The following EBF1 variants were observed in gnomAD, a reference collection of about 807,000 sequenced individuals.
EBF1 encodes the protein transcription factor COE1.
EBF1 carries 10 observed loss-of-function variants against 68.4 expected under a neutral mutation model. That is an observed-to-expected ratio of 0.15 (90% CI 0.09 to 0.25). The LOEUF (loss-of-function observed/expected upper bound fraction) is 0.25. EBF1 is among the 10% of genes least tolerant of loss of function. The pLI, the probability that EBF1 is intolerant of heterozygous loss-of-function variation, is 1.00. For synonymous variants in EBF1, 298 were observed against 299.8 expected (o/e 0.99, Z 0.06); for missense variants, 509 against 794.4 (o/e 0.64, Z 4.32).
chr5:159,011,245 T>A (rs2127680476), intron 6 of EBF1, among the ~76,000 whole-genome samples: 1 of 152,302 alleles, frequency 6.6e-6, no homozygotes, highest in East Asian at 1.9e-4. Context: ...GGTATCTGAT[T>A]TCTAAAATGG....
chr5:159,014,802 C>G (rs376941696), intron 6 of EBF1, among the ~76,000 whole-genome samples: 22 of 152,288 alleles, frequency 1.4e-4, no homozygotes, highest in African/African-American at 5.3e-4. Context: ...AAGGGTCTGC[C>G]CTGCCCCTTT....
chr5:158,737,418 G>A (rs943876471), intron 10 of EBF1, among the ~76,000 whole-genome samples: 1 of 151,364 alleles, frequency 6.6e-6, no homozygotes, highest in African/African-American at 2.4e-5. Context: ...CGAGTAGCTG[G>A]GACTACAGGC....
At chr5:158,749,648 T>A (rs533380828) in intron 10 of EBF1, among the ~76,000 whole-genome samples, 6 of 152,214 alleles carry the variant, frequency 3.9e-5, no homozygotes, top group African/African-American at 1.4e-4. Context: ...TAAGTTCCTA[T>A]AGAGTTTAGG....
chr5:158,860,535 G>A (rs11748882), intron 6 of EBF1, among the ~76,000 whole-genome samples: 23,329 of 152,152 alleles, frequency 0.15, 1,865 homozygotes, highest in Non-Finnish European at 0.18. Context: ...CACCTCTCAC[G>A]ATTTCCACTG....
intron 6 of EBF1, among the ~76,000 whole-genome samples, chr5:158,962,635 C>T (rs985938172): frequency 6.6e-6 from 1 of 152,140 alleles, no homozygotes; most frequent in East Asian, 1.9e-4. Context: ...CTGTACTGGG[C>T]TTATAAGAGA....
intron 9 of EBF1, 21 bp from the exon 10 acceptor site, chr5:158,777,560 G>A (rs1015134395): frequency 1.3e-6 from 2 of 1,575,386 alleles, no homozygotes; most frequent in Non-Finnish European, 1.7e-6. Flanking sequence ...CATTTGGGGG[G>A]AAAAATTGTC....
intron 6 of EBF1, among the ~76,000 whole-genome samples, chr5:158,872,551 G>A (rs1384095485): frequency 6.6e-6 from 1 of 152,168 alleles, no homozygotes; most frequent in Non-Finnish European, 1.5e-5. Context: ...AAATGAGAAT[G>A]CAAGACATTC....
chr5:158,845,490 T>C (rs1322558058), intron 6 of EBF1, among the ~76,000 whole-genome samples: 3 of 152,130 alleles, frequency 2.0e-5, no homozygotes, highest in Non-Finnish European at 4.4e-5. Context: ...AGTTAACATA[T>C]GTGGAGTGTT....
At chr5:158,737,265 G>GTTTTTT (rs1491041647) in intron 10 of EBF1, among the ~76,000 whole-genome samples, 1 of 78,240 alleles carries the variant, frequency 1.3e-5, no homozygotes, top group Non-Finnish European at 2.5e-5. Flanking sequence ...AACATGCCCT[G>GTTTTTT]ATTTTTTTTT....
At chr5:158,955,357 GA>G (rs2127516821) in intron 6 of EBF1, among the ~76,000 whole-genome samples, 1 of 152,240 alleles carries the variant, frequency 6.6e-6, no homozygotes, top group African/African-American at 2.4e-5. Flanking sequence ...AGTAATTGCA[GA>G]GTAGATGTAT....
intron 10 of EBF1, among the ~76,000 whole-genome samples, chr5:158,746,907 G>A (rs1767708184): frequency 6.6e-6 from 1 of 152,124 alleles, no homozygotes; most frequent in Non-Finnish European, 1.5e-5. Context: ...AATAGGTATT[G>A]TGACCCTTTA....
At chr5:158,952,470 C>T (rs2127506480) in intron 6 of EBF1, among the ~76,000 whole-genome samples, 1 of 152,268 alleles carries the variant, frequency 6.6e-6, no homozygotes, top group East Asian at 1.9e-4. Context: ...GAATCTTCTC[C>T]CCCTTGCACT....
Position 158,698,360 on chromosome 5 carries a change from T to G in EBF1, c.*751A>C, listed in dbSNP as rs2127452977. The G allele has an allele frequency of 4.5e-6, 1 of 224,552 alleles. No individual in the cohort carries two copies. Among genetic ancestry groups the G allele is most frequent in the Non-Finnish European group, 8.9e-6 (1 of 112,318 alleles). The allele number at this position is 224,552 out of a possible 1,614,324, so 13.9% of individuals were successfully genotyped here. On this transcript the variant is annotated 3_prime_UTR_variant, in exon 16 of 16. Transcript: ENST00000313708. ...TGAGATCAGATTTAAATATGCAGTT[T>G]TAACAATCTGTCTAGAGGCACTGGA...
chr5:158,742,741 G>A (rs904275892), intron 10 of EBF1, among the ~76,000 whole-genome samples: 1 of 152,078 alleles, frequency 6.6e-6, no homozygotes, highest in African/African-American at 2.4e-5. Context: ...TGGAATTACA[G>A]TTTAAAAAAT....
intron 7 of EBF1, among the ~76,000 whole-genome samples, chr5:158,836,515 T>C (rs909888774): frequency 6.6e-6 from 1 of 151,968 alleles, no homozygotes; most frequent in Non-Finnish European, 1.5e-5. Context: ...GAGTAAATAG[T>C]CATGAAAGAG....
chr5:158,970,147 C>T (rs1320545678), intron 6 of EBF1, among the ~76,000 whole-genome samples: 2 of 152,134 alleles, frequency 1.3e-5, no homozygotes, highest in African/African-American at 2.4e-5. Flanking sequence ...AATATTTTAT[C>T]TGCCTATTCC....
intron 6 of EBF1, among the ~76,000 whole-genome samples, chr5:158,991,508 C>T (rs1760320124): frequency 6.6e-6 from 1 of 152,144 alleles, no homozygotes; most frequent in South Asian, 2.1e-4. Context: ...TACTTCTTGA[C>T]AAAATGTTTT....
intron 10 of EBF1, among the ~76,000 whole-genome samples, chr5:158,747,271 T>C (rs966566471): frequency 1.3e-5 from 2 of 152,184 alleles, no homozygotes; most frequent in Admixed American, 6.5e-5. Context: ...AATAGGATCA[T>C]TTGTTGAGAA....
At position 158,765,412 on chromosome 5, in the gene EBF1, C is replaced by A. The variant is rs1270879516; in HGVS notation, c.1036+12001G>T. Reference sequence around the variant, plus strand: ...AACGTGTGTAGAATGACTGGGAAGGCCATATTTTGTGCAGATATTTAAATG... The same window carrying A: ...AACGTGTGTAGAATGACTGGGAAGGACATATTTTGTGCAGATATTTAAATG... On this transcript the variant is annotated intron_variant, in intron 10 of 15. Transcript: ENST00000313708. 8.4e-3 allele frequency among the ~76,000 whole-genome samples: 1,275 copies of A among 152,104 alleles called. 21 individuals are homozygous for A. Among genetic ancestry groups the A allele is most frequent in the African/African-American group, 0.029 (1,210 of 41,506 alleles).
Sources: gnomAD v4.1 joint callset for allele counts (sites outside exome capture counted in the v4.1 genomes callset) on GRCh38, gnomAD v4.1.1 for gene constraint, MANE v1.5 for transcripts, NCBI Gene and HGNC (gene_info 2026-07-23, HGNC 2026-07-21) for gene names.